Variants in RPN1 observed in about 807,000 individuals in gnomAD.
RPN1 encodes the protein dolichyl-diphosphooligosaccharide--protein glycosyltransferase subunit 1.
A neutral mutation model predicts 55.5 loss-of-function variants in RPN1; 12 were observed. That is an observed-to-expected ratio of 0.22 (90% CI 0.14 to 0.35). The LOEUF is 0.35. RPN1 is among the 10% of genes least tolerant of loss of function. The pLI, the probability that RPN1 is intolerant of heterozygous loss-of-function variation, is 1.00. For missense variants in RPN1, 679 were observed against 761.3 expected (o/e 0.89, Z 1.27); for synonymous variants, 317 against 305.9 (o/e 1.04, Z -0.38).
chr3:128,630,241 GGT>G (rs2069631764), intron 4 of RPN1, 98 bp from the exon 5 acceptor site: 1 of 687,016 alleles, frequency 1.5e-6, no homozygotes, highest in East Asian at 2.7e-5. Context: ...ATCCTCACAT[GGT>G]ACTACTTAAT....
intron 8 of RPN1, among the ~76,000 whole-genome samples, chr3:128,623,935 G>A (rs1935631499): frequency 6.6e-6 from 1 of 151,912 alleles, no homozygotes; most frequent in African/African-American, 2.4e-5. Context: ...AACTATTCAA[G>A]GGTAAAGGGG....
chr3:128,650,187 T>C (rs1039674101), intron 1 of RPN1, among the ~76,000 whole-genome samples: 1 of 152,082 alleles, frequency 6.6e-6, no homozygotes, highest in Non-Finnish European at 1.5e-5. Context: ...CGGCCCGAGG[T>C]CTCCCGAGCG....
intron 3 of RPN1, among the ~76,000 whole-genome samples, chr3:128,635,423 C>A (rs1204411165): frequency 6.6e-6 from 1 of 151,552 alleles, no homozygotes; most frequent in Non-Finnish European, 1.5e-5. Context: ...ACCTCAACCT[C>A]CCTAGTAGAT....
intron 9 of RPN1, among the ~76,000 whole-genome samples, chr3:128,621,450 C>T (rs1353250606): frequency 6.6e-6 from 1 of 152,090 alleles, no homozygotes; most frequent in South Asian, 2.1e-4. Flanking sequence ...GCAGAGATTG[C>T]GCCACTACAC....
In RPN1 at chr3:128,637,791, G is replaced by T; in HGVS notation, c.633+8C>A. The T allele has an allele frequency of 6.2e-7, 1 of 1,609,322 alleles. No homozygotes were observed. The highest frequency in any genetic ancestry group is 1.3e-5 in the African/African-American group (1 of 74,936). Reference sequence around the variant, plus strand: ...GACAGGGATGGGCTGGACTCCACCTGAGCTTACCTGACTATAGGCAGGCAC... The same window carrying T: ...GACAGGGATGGGCTGGACTCCACCTTAGCTTACCTGACTATAGGCAGGCAC... On this transcript the variant is annotated splice_region_variant and intron_variant, in intron 3 of 9. Coordinates refer to ENST00000296255, the MANE Select transcript of RPN1 (RefSeq NM_002950.4).
intron 1 of RPN1, among the ~76,000 whole-genome samples, chr3:128,650,084 C>A (rs2069804539): frequency 6.6e-6 from 1 of 152,244 alleles, no homozygotes; most frequent in Admixed American, 6.5e-5. Flanking sequence ...ACTTGAGCCA[C>A]CTCGTCGGGC....
chr3:128,630,980 G>A (rs2069636920), intron 4 of RPN1, among the ~76,000 whole-genome samples: 1 of 151,914 alleles, frequency 6.6e-6, no homozygotes, highest in African/African-American at 2.4e-5. Context: ...GGGCATGGTG[G>A]CGGGCGCCTG....
chr3:128,639,379 G>A (rs1328972182), intron 2 of RPN1, among the ~76,000 whole-genome samples: 7 of 150,370 alleles, frequency 4.7e-5, no homozygotes, highest in East Asian at 2.0e-4. Flanking sequence ...ATGTGAACCC[G>A]GAAGGCGGAG....
intron 4 of RPN1, among the ~76,000 whole-genome samples, chr3:128,630,733 A>G (rs2069635013): frequency 6.6e-6 from 1 of 152,254 alleles, no homozygotes; most frequent in South Asian, 2.1e-4. Flanking sequence ...CAAAAGAACA[A>G]AGAAATAGAT....
In RPN1 at chr3:128,620,033, C is replaced by T; in HGVS notation, c.*378G>A. The T allele has an allele frequency of 6.4e-6, 1 of 156,574 alleles. No homozygotes were observed. The highest frequency in any genetic ancestry group is 7.8e-5 in the Admixed American group (1 of 12,848). The allele number at this position is 156,574 out of a possible 1,614,324, so 9.7% of individuals were successfully genotyped here. ...CACGCTTTAAAAAAAAAAAAAAAAA[C>T]ACATGCACTCACACAATACCCAAAC... On this transcript the variant is annotated 3_prime_UTR_variant, in exon 10 of 10. Transcript: ENST00000296255.
At chr3:128,635,689 AT>A (rs1247244359) in intron 3 of RPN1, among the ~76,000 whole-genome samples, 1 of 122,524 alleles carries the variant, frequency 8.2e-6, no homozygotes, top group Non-Finnish European at 1.7e-5. Context: ...ATCTATAGAT[AT>A]ACACACACAC....
At chr3:128,624,534 C>T (rs2107713475) in intron 8 of RPN1, among the ~76,000 whole-genome samples, 1 of 151,850 alleles carries the variant, frequency 6.6e-6, no homozygotes, top group African/African-American at 2.4e-5. Context: ...AGTGGACCCA[C>T]ACAGTTCGGC....
chr3:128,648,565 A>AC (rs1359836327), intron 1 of RPN1, among the ~76,000 whole-genome samples: 1 of 152,138 alleles, frequency 6.6e-6, no homozygotes, highest in African/African-American at 2.4e-5. Context: ...CGTCTCAAAA[A>AC]AAAAAAGAAA....
rs766705757 is a variant in RPN1, at chr3:128,644,573, C to T, written c.326+346G>A. 1.9e-5 allele frequency: 9 copies of T among 477,270 alleles called. 1 individual carries two copies. Among genetic ancestry groups the T allele is most frequent in the South Asian group, 6.4e-5 (4 of 62,264 alleles). 29.6% of individuals were successfully genotyped at this position (477,270 alleles called of 1,614,324 possible). A position where few individuals can be genotyped will look rare whatever the true frequency, so the allele number is the denominator to read the frequency against. ...TATTTGGGAGGCTGAGGGAGAAGGACGGTTTGAGCCCTGGAGGTGGAGGTT... is the reference window on the plus strand; with the variant it reads ...TATTTGGGAGGCTGAGGGAGAAGGATGGTTTGAGCCCTGGAGGTGGAGGTT... On this transcript the variant is annotated intron_variant, in intron 2 of 9. Transcript: ENST00000296255.
At chr3:128,620,614 G>A (rs1576790460) in intron 9 of RPN1, 21 bp from the exon 10 acceptor site, 2 of 1,608,104 alleles carry the variant, frequency 1.2e-6, no homozygotes, top group Non-Finnish European at 1.7e-6. Context: ...CAAGAGCAGG[G>A]CAGGACTTGT....
rs777596998 is a variant in RPN1, at chr3:128,622,401, G to A, written c.1404C>T (p.Ala468=). Residue 468 remains alanine (A), a synonymous_variant, in exon 9 of 10, where the codon GCC becomes GCT. Transcript: ENST00000296255. ...AGGCTACCTTCATCCTGGCTTCTGCGGCTGGATCCTGAAGGAAGGAGAGGC... is the reference window on the plus strand; with the variant it reads ...AGGCTACCTTCATCCTGGCTTCTGCAGCTGGATCCTGAAGGAAGGAGAGGC... ...RLDFSITKDP[A]AEARMKVACI... The A allele has an allele frequency of 2.2e-5, 35 of 1,613,992 alleles. No individual in the cohort carries two copies. The highest frequency in any genetic ancestry group is 1.0e-4 in the Admixed American group (6 of 59,992).
intron 5 of RPN1, 58 bp downstream of exon 5, chr3:128,629,892 GA>G (rs11453536): frequency 5.3e-6 from 5 of 951,498 alleles, no homozygotes; most frequent in Non-Finnish European, 8.0e-6. Context: ...ATAATTGAAA[GA>G]AAAAAATTCA....
chr3:128,624,744 C>T (rs2069586795), intron 8 of RPN1, among the ~76,000 whole-genome samples: 1 of 147,712 alleles, frequency 6.8e-6, no homozygotes, highest in Non-Finnish European at 1.5e-5. Flanking sequence ...GAGGCTGAGG[C>T]AGAATCGCTC....
chr3:128,639,905 A>G (rs937073207), intron 2 of RPN1, among the ~76,000 whole-genome samples: 7 of 152,118 alleles, frequency 4.6e-5, no homozygotes, highest in Admixed American at 6.6e-5. Context: ...TCTTATAAGG[A>G]GCTTGTATCA....
Sources: allele counts gnomAD v4.1 joint callset (sites outside exome capture counted in the v4.1 genomes callset), GRCh38; gene constraint gnomAD v4.1.1; transcripts MANE v1.5; gene names NCBI Gene and HGNC (gene_info 2026-07-23, HGNC 2026-07-21).